The following FRMD6 variants were observed in gnomAD, a reference collection of about 807,000 sequenced individuals.
FRMD6 encodes the protein FERM domain containing 6, also known as FERM domain-containing protein 6.
A neutral mutation model predicts 73.2 loss-of-function variants in FRMD6; 37 were observed. The ratio of observed to expected loss-of-function variants is 0.51; its 90% confidence interval spans 0.39 to 0.66. FRMD6 has a LOEUF of 0.66. FRMD6 is among the 30% of genes least tolerant of loss of function. The pLI is 0.00. For missense variants in FRMD6, 714 were observed against 780.5 expected (o/e 0.91, Z 1.02); for synonymous variants, 273 against 282.2 (o/e 0.97, Z 0.33).
intron 1 of FRMD6, among the ~76,000 whole-genome samples, chr14:51,553,113 G>A (rs1886933166): frequency 6.6e-6 from 1 of 152,202 alleles, no homozygotes; most frequent in African/African-American, 2.4e-5. Context: ...AGATCTCCAA[G>A]GTTGAATTAT....
intron 2 of FRMD6, among the ~76,000 whole-genome samples, chr14:51,587,162 C>A (rs1346269850): frequency 6.6e-6 from 1 of 152,152 alleles, no homozygotes; most frequent in Non-Finnish European, 1.5e-5. Context: ...GTCATTTTCC[C>A]AGTATATATT....
chr14:51,437,718 A>G, the FRMD6 span, among the ~76,000 whole-genome samples: 1 of 151,936 alleles, frequency 6.6e-6, no homozygotes, highest in African/African-American at 2.4e-5. Flanking sequence ...TCTTTTCTCT[A>G]CACCATGGTT....
At chr14:51,658,292 A>G (rs531662512) in intron 1 of FRMD6, among the ~76,000 whole-genome samples, 41 of 152,158 alleles carry the variant, frequency 2.7e-4, no homozygotes, top group Non-Finnish European at 5.3e-4. Flanking sequence ...TCTGCCCTCC[A>G]TACAGAGCTC....
intron 6 of FRMD6, 66 bp from the exon 7 acceptor site, chr14:51,708,012 G>C (rs933368870): frequency 4.4e-5 from 64 of 1,450,712 alleles, no homozygotes; most frequent in Middle Eastern, 1.8e-4. Context: ...CATCATTTTG[G>C]GGGTGGGGGT....
chr14:51,705,153 T>C (rs1362570908), intron 6 of FRMD6, among the ~76,000 whole-genome samples: 1 of 152,096 alleles, frequency 6.6e-6, no homozygotes, highest in East Asian at 1.9e-4. Context: ...CCATCCATCC[T>C]GATAATACAG....
intron 1 of FRMD6, among the ~76,000 whole-genome samples, chr14:51,562,039 G>A (rs888355229): frequency 3.3e-5 from 5 of 152,040 alleles, no homozygotes; most frequent in African/African-American, 7.3e-5. Context: ...GATTCCCACC[G>A]TGGCTTTTTT....
chr14:51,554,053 A>C (rs975347582), intron 1 of FRMD6, among the ~76,000 whole-genome samples: 1 of 152,090 alleles, frequency 6.6e-6, no homozygotes, highest in African/African-American at 2.4e-5. Context: ...AGATGAACCT[A>C]GGGCACCCTG....
chr14:51,664,124 A>AG (rs1337886366), intron 1 of FRMD6, among the ~76,000 whole-genome samples: 1 of 152,212 alleles, frequency 6.6e-6, no homozygotes, highest in Non-Finnish European at 1.5e-5. Context: ...CAATGGTGAT[A>AG]GGTTTGATCT....
chr14:51,429,814 C>CTT, the FRMD6 span, among the ~76,000 whole-genome samples: 1 of 152,116 alleles, frequency 6.6e-6, no homozygotes, highest in Admixed American at 6.5e-5. Flanking sequence ...ACTTGTGGGA[C>CTT]TTTGAGACAT....
intron 9 of FRMD6, among the ~76,000 whole-genome samples, 171 bp downstream of exon 9, chr14:51,712,722 G>A (rs1459966771): frequency 6.6e-6 from 1 of 152,170 alleles, no homozygotes; most frequent in Non-Finnish European, 1.5e-5. Flanking sequence ...TAATGCATGT[G>A]CTATAGATTC....
chr14:51,524,383 A>G (rs1488047661), intron 1 of FRMD6, among the ~76,000 whole-genome samples: 1 of 152,078 alleles, frequency 6.6e-6, no homozygotes, highest in Non-Finnish European at 1.5e-5. Context: ...ATTATATCGT[A>G]TTTATTTTCT....
the FRMD6 span, among the ~76,000 whole-genome samples, chr14:51,483,887 T>G: frequency 2.8e-4 from 42 of 152,316 alleles, no homozygotes; most frequent in Non-Finnish European, 3.7e-4. Flanking sequence ...TAGAGGTAAT[T>G]ATTCGTCATA....
chr14:51,602,918 T>C (rs1873094527), intron 2 of FRMD6, among the ~76,000 whole-genome samples: 1 of 152,232 alleles, frequency 6.6e-6, no homozygotes. Flanking sequence ...GCTATACAAT[T>C]GATTGCTGTG....
intron 11 of FRMD6, 40 bp from the exon 12 acceptor site, chr14:51,721,909 C>T: frequency 6.2e-7 from 1 of 1,610,004 alleles, no homozygotes; most frequent in Non-Finnish European, 8.5e-7. Context: ...TGGTCATTTC[C>T]CTTTTTGTCA....
chr14:51,447,796 A>G, the FRMD6 span, among the ~76,000 whole-genome samples: 126 of 152,210 alleles, frequency 8.3e-4, no homozygotes, highest in Middle Eastern at 3.4e-3. Context: ...CCACCCCTCA[A>G]CACCACCATC....
chr14:51,504,920 A>G (rs1188184174), intron 1 of FRMD6, among the ~76,000 whole-genome samples: 1 of 152,228 alleles, frequency 6.6e-6, no homozygotes, highest in Admixed American at 6.5e-5. Context: ...ATAGCAGAGA[A>G]GCCAGCCAGC....
intron 11 of FRMD6, among the ~76,000 whole-genome samples, chr14:51,720,947 CTT>C (rs1566597207): frequency 6.6e-6 from 1 of 152,208 alleles, no homozygotes; most frequent in Non-Finnish European, 1.5e-5. Flanking sequence ...CTTAGCCAAA[CTT>C]AACATTTGTG....
chr14:51,725,914 T>C (rs555517973), intron 13 of FRMD6, 44 bp downstream of exon 13: 1 of 1,425,046 alleles, frequency 7.0e-7, no homozygotes, highest in South Asian at 1.2e-5. Context: ...ACTGAAGTTA[T>C]AGAAAATTTT....
At chr14:51,457,326 G>T in the FRMD6 span, among the ~76,000 whole-genome samples, 1 of 151,812 alleles carries the variant, frequency 6.6e-6, no homozygotes, top group Non-Finnish European at 1.5e-5. Context: ...AATAAAAGCT[G>T]GAAATCATCA....
Sources: gnomAD v4.1 joint callset for allele counts (sites outside exome capture counted in the v4.1 genomes callset) on GRCh38, gnomAD v4.1.1 for gene constraint, MANE v1.5 for transcripts, NCBI Gene and HGNC (gene_info 2026-07-23, HGNC 2026-07-21) for gene names.